Variants in MGAT4C observed in about 807,000 individuals in gnomAD.
MGAT4C encodes MGAT4 family member C.
In MGAT4C, 19 loss-of-function variants were observed where a neutral mutation model predicts 40.1. That is an observed-to-expected ratio of 0.47 (90% CI 0.33 to 0.70). The LOEUF is 0.70. MGAT4C is among the 30% of genes least tolerant of loss of function. The pLI is 0.02. For missense variants in MGAT4C, 491 were observed against 563.2 expected, an observed-to-expected ratio of 0.87 and a Z score of 1.30; for synonymous variants, 181 against 187.1, an observed-to-expected ratio of 0.97 and a Z score of 0.27.
intron 2 of MGAT4C, among the ~76,000 whole-genome samples, chr12:86,611,595 A>G (rs1962284258): frequency 6.6e-6 from 1 of 152,148 alleles, no homozygotes; most frequent in Non-Finnish European, 1.5e-5. Flanking sequence ...AATTTGTAGT[A>G]CTGCTTTTGC....
chr12:86,478,864 G>C (rs1210584283), intron 2 of MGAT4C, among the ~76,000 whole-genome samples: 1 of 151,912 alleles, frequency 6.6e-6, no homozygotes, highest in East Asian at 1.9e-4. Context: ...ATGTGAAAAA[G>C]AATAAAACCC....
intron 2 of MGAT4C, among the ~76,000 whole-genome samples, chr12:86,035,438 G>A (rs1424888002): frequency 6.7e-6 from 1 of 149,558 alleles, no homozygotes. Flanking sequence ...TTTTTTTCTT[G>A]TAAATTTGTT....
At chr12:86,303,596 T>TA (rs1214712160) in intron 4 of MGAT4C, among the ~76,000 whole-genome samples, 9 of 149,240 alleles carry the variant, frequency 6.0e-5, no homozygotes, top group South Asian at 2.1e-4. Context: ...ATCCAGAGTT[T>TA]AAAAAAAAAT....
intron 2 of MGAT4C, among the ~76,000 whole-genome samples, chr12:86,595,060 G>T (rs1961479718): frequency 6.6e-6 from 1 of 152,094 alleles, no homozygotes; most frequent in Admixed American, 6.5e-5. Context: ...GCTTCTCAAA[G>T]ATTAGGTATG....
chr12:86,140,153 C>T (rs1882629704), intron 1 of MGAT4C, among the ~76,000 whole-genome samples: 1 of 152,082 alleles, frequency 6.6e-6, no homozygotes, highest in African/African-American at 2.4e-5. Context: ...TTTAATTCTA[C>T]CTGTTCCTCT....
At chr12:86,453,559 G>A (rs1347063050) in intron 2 of MGAT4C, among the ~76,000 whole-genome samples, 1 of 152,016 alleles carries the variant, frequency 6.6e-6, no homozygotes, top group Non-Finnish European at 1.5e-5. Context: ...AAGTAAGCTA[G>A]ACCAGCATGG....
At chr12:86,570,290 C>T (rs1290773804) in intron 2 of MGAT4C, among the ~76,000 whole-genome samples, 1 of 129,318 alleles carries the variant, frequency 7.7e-6, no homozygotes, top group African/African-American at 2.8e-5. Flanking sequence ...TGTCATGCTG[C>T]ACAACACAAA....
chr12:85,956,500 C>A lies in MGAT4C; in HGVS notation c.*22789G>T, dbSNP rs1882800869. The A allele has an allele frequency of 6.6e-6, 1 of 152,144 alleles. No homozygotes were observed. The highest frequency in any genetic ancestry group is 6.5e-5 in the Admixed American group (1 of 15,276). 9.4% of individuals were successfully genotyped at this position (152,144 alleles called of 1,614,324 possible). A position where few individuals can be genotyped will look rare whatever the true frequency, so the allele number is the denominator to read the frequency against. ...ACTGTTGGACCAATTGAAAAACTTA[C>A]TAAAATATGGTTTTGGGACACCTGT... On this transcript the variant is annotated 3_prime_UTR_variant, in exon 5 of 5. Coordinates refer to ENST00000611864, the MANE Select transcript of MGAT4C (RefSeq NM_001351288.2).
chr12:86,191,747 T>A (rs1285116649), intron 1 of MGAT4C, among the ~76,000 whole-genome samples: 2 of 116,092 alleles, frequency 1.7e-5, no homozygotes. Flanking sequence ...CTACAGGAGA[T>A]AAAGGTGTGT....
In MGAT4C at chr12:86,013,001, C is replaced by A. The variant is rs371133238; in HGVS notation, c.-6-23449G>T. ...AAAAAATTAGCCACGGTGGCACATG[C>A]CTGTGGTCCTAGCTACTTGGAAGAC... On this transcript the variant is annotated intron_variant, in intron 2 of 4. Coordinates refer to ENST00000611864, the MANE Select transcript of MGAT4C (RefSeq NM_001351288.2). 1.5e-3 allele frequency among the ~76,000 whole-genome samples: 221 copies of A among 151,844 alleles called. 4 individuals carry two copies. The South Asian group carries it at 0.044, about 30-fold the overall frequency.
chr12:86,535,895 C>A (rs1226763348), intron 2 of MGAT4C, among the ~76,000 whole-genome samples: 2 of 152,044 alleles, frequency 1.3e-5, no homozygotes, highest in Admixed American at 6.6e-5. Flanking sequence ...GTAAACAAAA[C>A]ATACATAAAA....
intron 2 of MGAT4C, among the ~76,000 whole-genome samples, chr12:86,556,198 A>G (rs1207660263): frequency 3.9e-5 from 6 of 152,238 alleles, no homozygotes; most frequent in African/African-American, 1.2e-4. Flanking sequence ...GACTTTAAAA[A>G]TACTTAAAGA....
At chr12:86,162,587 A>T (rs1187210784) in intron 1 of MGAT4C, among the ~76,000 whole-genome samples, 1 of 152,164 alleles carries the variant, frequency 6.6e-6, no homozygotes, top group Non-Finnish European at 1.5e-5. Context: ...TCAGCATCAT[A>T]CAACATTCCC....
In MGAT4C at chr12:85,969,110, G is replaced by C. The variant is rs1883497696; in HGVS notation, c.*10179C>G. On this transcript the variant is annotated 3_prime_UTR_variant, in exon 5 of 5. Transcript: ENST00000611864. ...TTCCTAGATCTATCCTAGATTTACAGGGAAGAATTCAGTAGTCTGAAACAC... is the reference window on the plus strand; with the variant it reads ...TTCCTAGATCTATCCTAGATTTACACGGAAGAATTCAGTAGTCTGAAACAC... 6.6e-6 allele frequency: 1 copy of C among 151,680 alleles called. No homozygotes were observed. Among genetic ancestry groups the C allele is most frequent in the Non-Finnish European group, 1.5e-5 (1 of 67,704 alleles). 9.4% of individuals were successfully genotyped at this position (151,680 alleles called of 1,614,324 possible). A position where few individuals can be genotyped will look rare whatever the true frequency, so the allele number is the denominator to read the frequency against.
chr12:86,486,043 C>T (rs1380019846), intron 2 of MGAT4C, among the ~76,000 whole-genome samples: 2 of 152,188 alleles, frequency 1.3e-5, no homozygotes, highest in South Asian at 4.1e-4. Context: ...AATCCATTAT[C>T]GCTAGACAAG....
upstream of MGAT4C, among the ~76,000 whole-genome samples, chr12:86,259,154 G>T (rs1276169603): frequency 2.6e-5 from 4 of 151,912 alleles, no homozygotes. Flanking sequence ...TCATTAGAAA[G>T]TAATAATTAG....
At chr12:86,704,618 G>A (rs116394045) in intron 2 of MGAT4C, among the ~76,000 whole-genome samples, 3,027 of 152,132 alleles carry the variant, frequency 0.02, 92 homozygotes, top group African/African-American at 0.069. Flanking sequence ...TTTACACAGG[G>A]CACTTCAGCT....
chr12:86,235,152 C>G (rs2136026596), intron 1 of MGAT4C, among the ~76,000 whole-genome samples: 1 of 152,076 alleles, frequency 6.6e-6, no homozygotes, highest in South Asian at 2.1e-4. Flanking sequence ...GCAGCTTTTT[C>G]CCATGAACTC....
At chr12:86,147,594 C>T (rs1001420057) in intron 1 of MGAT4C, among the ~76,000 whole-genome samples, 2 of 152,094 alleles carry the variant, frequency 1.3e-5, no homozygotes, top group Admixed American at 1.3e-4. Context: ...AGTTTTTCCT[C>T]CTAAATAACA....
Sources: allele counts gnomAD v4.1 joint callset (sites outside exome capture counted in the v4.1 genomes callset), GRCh38; gene constraint gnomAD v4.1.1; transcripts MANE v1.5; gene names NCBI Gene and HGNC (gene_info 2026-07-23, HGNC 2026-07-21).